Variants in NYAP2 observed in about 807,000 individuals in gnomAD.
NYAP2 encodes the protein neuronal tyrosine-phosphorylated phosphoinositide-3-kinase adapter 2.
A neutral mutation model predicts 50.4 loss-of-function variants in NYAP2; 23 were observed. The observed-to-expected ratio is 0.46, with a 90% CI of 0.33 to 0.65. The LOEUF (loss-of-function observed/expected upper bound fraction) is 0.65, where lower values mean the gene tolerates loss of function less well. Ranked by LOEUF, NYAP2 falls within the 30% of genes least tolerant of loss-of-function variation. NYAP2 has a pLI of 0.02. For synonymous variants in NYAP2, 394 were observed against 365.2 expected (o/e 1.08, Z -0.90); for missense variants, 885 against 861.0 (o/e 1.03, Z -0.35).
intron 4 of NYAP2, among the ~76,000 whole-genome samples, chr2:225,569,939 T>C (rs1187421476): frequency 6.6e-6 from 1 of 152,178 alleles, no homozygotes. Flanking sequence ...TTCTTTATCC[T>C]ACTAGACTTG....
At chr2:225,595,163 C>T (rs988758881) in intron 5 of NYAP2, among the ~76,000 whole-genome samples, 2 of 152,090 alleles carry the variant, frequency 1.3e-5, no homozygotes, top group East Asian at 3.9e-4. Context: ...CTTTTCTTTT[C>T]GTAGATGGAA....
At chr2:225,570,956 A>C (rs1462347692) in intron 4 of NYAP2, among the ~76,000 whole-genome samples, 1 of 152,250 alleles carries the variant, frequency 6.6e-6, no homozygotes, top group African/African-American at 2.4e-5. Flanking sequence ...GTAAATATGC[A>C]TGTTCCAAAC....
intron 4 of NYAP2, among the ~76,000 whole-genome samples, chr2:225,527,168 C>T (rs1045691054): frequency 6.6e-6 from 1 of 152,180 alleles, no homozygotes; most frequent in African/African-American, 2.4e-5. Flanking sequence ...CTAGTTTGTT[C>T]AGTGTCTTAG....
rs181095586 is a variant in NYAP2, at chr2:225,518,483, T to C, written c.523+4811T>C. On this transcript the variant is annotated intron_variant, in intron 4 of 6. Coordinates refer to ENST00000636099, the Ensembl canonical transcript of NYAP2. ...ATTGTATTGAGCATCCTTAAGAGACTTTGAGTTCTCATTACAAAAAAAAAC... is the reference window on the plus strand; with the variant it reads ...ATTGTATTGAGCATCCTTAAGAGACCTTGAGTTCTCATTACAAAAAAAAAC... 1.4e-3 allele frequency among the ~76,000 whole-genome samples: 191 copies of C among 134,232 alleles called. 2 individuals are homozygous for C. Among genetic ancestry groups the C allele is most frequent in the Admixed American group, 0.014 (172 of 12,640 alleles). The allele number at this position is 134,232 out of a possible 152,430, so 88.1% of individuals were successfully genotyped here.
chr2:225,639,089 A>G (rs1429146950), intron 6 of NYAP2, among the ~76,000 whole-genome samples: 1 of 151,810 alleles, frequency 6.6e-6, no homozygotes, highest in East Asian at 1.9e-4. Flanking sequence ...GGGACTCAGT[A>G]GAGAGTTTCT....
rs183648881 is a variant in NYAP2, at chr2:225,551,872, G to A, written c.524-30069G>A. On this transcript the variant is annotated intron_variant, in intron 4 of 6. Coordinates refer to ENST00000636099, the Ensembl canonical transcript of NYAP2. ...TTGTTGCCTAGGCTGGAGCGCAGTG[G>A]TGCCATCTCGGCTCACTGCAACCTC... 5.9e-5 allele frequency among the ~76,000 whole-genome samples: 9 copies of A among 152,276 alleles called. No individual in the cohort carries two copies. In the East Asian group the frequency reaches 1.7e-3, roughly 29 times the overall value.
At chr2:225,632,383 G>C (rs770487082) in intron 6 of NYAP2, among the ~76,000 whole-genome samples, 37 of 152,080 alleles carry the variant, frequency 2.4e-4, no homozygotes, top group Admixed American at 1.3e-4. Flanking sequence ...TTCTGCTTCT[G>C]CGTCTATTTC....
intron 3 of NYAP2, among the ~76,000 whole-genome samples, chr2:225,510,352 T>G (rs1690788964): frequency 6.6e-6 from 1 of 151,920 alleles, no homozygotes; most frequent in Admixed American, 6.6e-5. Flanking sequence ...TCTGGGGGGG[T>G]TCTGGATTAG....
intron 4 of NYAP2, among the ~76,000 whole-genome samples, chr2:225,544,816 T>A (rs1008851902): frequency 6.6e-6 from 1 of 152,188 alleles, no homozygotes; most frequent in Non-Finnish European, 1.5e-5. Flanking sequence ...CTTGTTAATA[T>A]TCTTTTCTTT....
At chr2:225,448,992 G>A (rs1689606015) in intron 3 of NYAP2, among the ~76,000 whole-genome samples, 1 of 152,146 alleles carries the variant, frequency 6.6e-6, no homozygotes. Context: ...AATAAAAAAT[G>A]TCTGTGTGGT....
At chr2:225,636,159 C>A (rs1027865102) in intron 6 of NYAP2, among the ~76,000 whole-genome samples, 27 of 152,132 alleles carry the variant, frequency 1.8e-4, no homozygotes, top group African/African-American at 6.0e-4. Flanking sequence ...AAGCCAAGCA[C>A]AGCTGGCTAA....
chr2:225,620,872 T>C (rs1202201056), intron 5 of NYAP2, among the ~76,000 whole-genome samples: 2 of 152,112 alleles, frequency 1.3e-5, no homozygotes, highest in Non-Finnish European at 2.9e-5. Flanking sequence ...TCCCAGCACT[T>C]TGGGAGGCCA....
chr2:225,506,706 T>C (rs1412426235), intron 3 of NYAP2, among the ~76,000 whole-genome samples: 4 of 152,146 alleles, frequency 2.6e-5, no homozygotes, highest in African/African-American at 9.7e-5. Context: ...GAAGAAAGTG[T>C]AAATATTAGT....
chr2:225,524,810 T>C (rs943231325), intron 4 of NYAP2, among the ~76,000 whole-genome samples: 1 of 151,852 alleles, frequency 6.6e-6, no homozygotes, highest in Non-Finnish European at 1.5e-5. Flanking sequence ...ACAGAGAAAC[T>C]GTAGAAAAAA....
Position 225,506,878 on chromosome 2 carries a change from T to C in NYAP2, c.222-6493T>C, listed in dbSNP as rs112978376. Among the ~76,000 whole-genome samples, 585 of 152,136 alleles carry C rather than the reference T, an allele frequency of 3.8e-3. 7 individuals are homozygous for C. The highest frequency in any genetic ancestry group is 0.024 in the Middle Eastern group (7 of 294). Reference sequence around the variant, plus strand: ...TTCCCCCATTTAATGTATGGTTGAATGTGCCCTTTCCCTGATACTAGATGA... The same window carrying C: ...TTCCCCCATTTAATGTATGGTTGAACGTGCCCTTTCCCTGATACTAGATGA... On this transcript the variant is annotated intron_variant, in intron 3 of 6. Transcript: ENST00000636099.
In NYAP2 at chr2:225,515,774, C is replaced by A. The variant is rs531969160; in HGVS notation, c.523+2102C>A. 5.9e-5 allele frequency among the ~76,000 whole-genome samples: 9 copies of A among 152,172 alleles called. No individual in the cohort carries two copies. The East Asian group carries it at 1.3e-3, about 23-fold the overall frequency. Reference sequence around the variant, plus strand: ...AGTCACCACTGTCCTACTTCTACTGCCAGAAAACTACCTAATAAATTATGT... The same window carrying A: ...AGTCACCACTGTCCTACTTCTACTGACAGAAAACTACCTAATAAATTATGT... On this transcript the variant is annotated intron_variant, in intron 4 of 6. Coordinates refer to ENST00000636099, the Ensembl canonical transcript of NYAP2.
Position 225,509,768 on chromosome 2 carries a change from G to A in NYAP2, c.222-3603G>A, listed in dbSNP as rs74343123. On this transcript the variant is annotated intron_variant, in intron 3 of 6. Coordinates refer to ENST00000636099, the Ensembl canonical transcript of NYAP2. ...ATAAAGTGCTCAATGGTTCATTGTTGTCTCGTCAATTAACTTCATTCCTCA... is the reference window on the plus strand; with the variant it reads ...ATAAAGTGCTCAATGGTTCATTGTTATCTCGTCAATTAACTTCATTCCTCA... Among the ~76,000 whole-genome samples, 262 of 152,284 alleles carry A rather than the reference G, an allele frequency of 1.7e-3. 1 individual carries two copies. Among genetic ancestry groups the A allele is most frequent in the Non-Finnish European group, 3.2e-3 (221 of 68,028 alleles).
chr2:225,635,766 G>C (rs920750188), intron 6 of NYAP2, among the ~76,000 whole-genome samples: 1 of 152,050 alleles, frequency 6.6e-6, no homozygotes, highest in Non-Finnish European at 1.5e-5. Flanking sequence ...AAGAATGAGG[G>C]GCAGGTCTTA....
chr2:225,696,244 A>G, the NYAP2 span, among the ~76,000 whole-genome samples: 2 of 151,916 alleles, frequency 1.3e-5, no homozygotes, highest in African/African-American at 4.8e-5. Flanking sequence ...AAACTTTCTG[A>G]GACTTAGTTT....
Sources: gnomAD v4.1 joint callset for allele counts (sites outside exome capture counted in the v4.1 genomes callset) on GRCh38, gnomAD v4.1.1 for gene constraint, MANE v1.5 for transcripts, NCBI Gene and HGNC (gene_info 2026-07-23, HGNC 2026-07-21) for gene names.